The following CHL1 variants were observed in gnomAD, a reference collection of about 807,000 sequenced individuals.
CHL1 encodes the protein cell adhesion molecule L1 like, also known as neural cell adhesion molecule L1-like protein.
In CHL1, 96 loss-of-function variants were observed where a neutral mutation model predicts 141.9. The observed-to-expected ratio is 0.68, with a 90% CI of 0.57 to 0.80. CHL1 has a LOEUF of 0.80. Among genes scored for constraint, CHL1 ranks in the 30% least tolerant of loss-of-function variants. CHL1 has a pLI of 0.00. For missense variants in CHL1, 1,820 were observed against 1,457.2 expected (o/e 1.25, Z -4.05); for synonymous variants, 613 against 502.2 (o/e 1.22, Z -2.95).
At chr3:327,941 A>C (rs1357544735) in intron 4 of CHL1, among the ~76,000 whole-genome samples, 1 of 152,034 alleles carries the variant, frequency 6.6e-6, no homozygotes, top group Admixed American at 6.6e-5. Flanking sequence ...TTAAAAAAGC[A>C]AAAGCTAATT....
At chr3:254,310 G>T (rs967960034) in intron 2 of CHL1, among the ~76,000 whole-genome samples, 1 of 152,058 alleles carries the variant, frequency 6.6e-6, no homozygotes, top group Non-Finnish European at 1.5e-5. Flanking sequence ...TAATAAACAA[G>T]ACTCTTCTTC....
rs192231813 is a variant in CHL1 at position 228,428 on chromosome 3, C to A, written c.-174-16185C>A. 2.0e-4 allele frequency among the ~76,000 whole-genome samples: 31 copies of A among 152,092 alleles called. No homozygotes were observed. In the East Asian group the frequency reaches 5.6e-3, roughly 27 times the overall value. ...GTAGATATTAAGTGTTCAAGGGGAT[C>A]CCTGCACATGGATGAAGTCATGTTT... On this transcript the variant is annotated intron_variant, in intron 1 of 27. Coordinates refer to ENST00000256509, the MANE Select transcript of CHL1 (RefSeq NM_006614.4).
intron 1 of CHL1, among the ~76,000 whole-genome samples, chr3:232,358 T>A (rs1333218912): frequency 6.6e-6 from 1 of 152,228 alleles, no homozygotes; most frequent in East Asian, 1.9e-4. Context: ...TCATTGAATT[T>A]GTACCTTTTC....
chr3:344,497 G>T (rs1702597581), intron 8 of CHL1, 92 bp from the exon 9 acceptor site: 2 of 897,934 alleles, frequency 2.2e-6, no homozygotes, highest in Admixed American at 2.3e-5. Context: ...ACACTCGTGT[G>T]TCGGATTTTT....
At chr3:360,058 T>C (rs1704084026) in intron 11 of CHL1, among the ~76,000 whole-genome samples, 1 of 152,134 alleles carries the variant, frequency 6.6e-6, no homozygotes, top group Admixed American at 6.5e-5. Flanking sequence ...TGAGCAGATA[T>C]TTTGTTGCTA....
intron 16 of CHL1, among the ~76,000 whole-genome samples, chr3:381,208 T>G (rs868738693): frequency 6.6e-6 from 1 of 152,142 alleles, no homozygotes. Context: ...ATATGGTCCA[T>G]TGGGGAGGAC....
At chr3:318,995 T>G (rs764501356) in intron 2 of CHL1, among the ~76,000 whole-genome samples, 3 of 151,654 alleles carry the variant, frequency 2.0e-5, no homozygotes, top group African/African-American at 7.3e-5. Flanking sequence ...AGAACAAAAT[T>G]GTGTCCTTGC....
chr3:277,720 T>G (rs1245581972), intron 2 of CHL1, among the ~76,000 whole-genome samples: 2 of 152,242 alleles, frequency 1.3e-5, no homozygotes, highest in Non-Finnish European at 2.9e-5. Flanking sequence ...TTACATTTGC[T>G]TATTTTGTCT....
chr3:370,699 G>A (rs1029146328), intron 15 of CHL1, among the ~76,000 whole-genome samples: 2 of 152,026 alleles, frequency 1.3e-5, no homozygotes, highest in African/African-American at 4.8e-5. Context: ...TGTGATGTTA[G>A]CATGTGAATT....
At chr3:271,960 GA>G (rs1695670158) in intron 2 of CHL1, among the ~76,000 whole-genome samples, 1 of 152,136 alleles carries the variant, frequency 6.6e-6, no homozygotes, top group East Asian at 1.9e-4. Flanking sequence ...ATCACATTGT[GA>G]TAAAATACTC....
intron 10 of CHL1, 114 bp downstream of exon 10, chr3:349,657 T>C: frequency 4.7e-6 from 4 of 859,120 alleles, no homozygotes; most frequent in Non-Finnish European, 7.3e-6. Context: ...TTTCAACTTT[T>C]AATTGTAGTG....
chr3:350,283 G>T (rs766063066), intron 10 of CHL1, among the ~76,000 whole-genome samples: 7 of 152,176 alleles, frequency 4.6e-5, no homozygotes, highest in Non-Finnish European at 1.0e-4. Flanking sequence ...GTGGAATGTA[G>T]TTATTAGTGC....
In CHL1 at chr3:363,364, A is replaced by G; in HGVS notation, c.1566A>G (p.Thr522=). ...ATGCTATAGGAAAAACTGCAGTCAC[A>G]GCCAATTTGGATATTAGAAGTATTT... is the stretch of plus-strand genomic sequence containing the variant. ...VENAIGKTAV[T]ANLDIRNATK... Residue 522 remains threonine, a synonymous_variant, in exon 14 of 28, where the codon ACA becomes ACG. Transcript: ENST00000256509. 1.2e-6 allele frequency: 2 copies of G among 1,611,346 alleles called. No homozygotes were observed. The highest frequency in any genetic ancestry group is 1.7e-5 in the Admixed American group (1 of 59,224).
At chr3:359,160 T>G (rs1286540782) in intron 11 of CHL1, among the ~76,000 whole-genome samples, 1 of 151,772 alleles carries the variant, frequency 6.6e-6, no homozygotes, top group African/African-American at 2.4e-5. Flanking sequence ...TGTAATCCAG[T>G]CCCCTCACCT....
chr3:236,674 CATT>C (rs1282268336), intron 1 of CHL1, among the ~76,000 whole-genome samples: 1 of 151,980 alleles, frequency 6.6e-6, no homozygotes, highest in African/African-American at 2.4e-5. Context: ...TTGTAGAAAA[CATT>C]ATACTGACAT....
At chr3:392,383 G>A (rs1320129611) in intron 23 of CHL1, among the ~76,000 whole-genome samples, 1 of 152,212 alleles carries the variant, frequency 6.6e-6, no homozygotes, top group Non-Finnish European at 1.5e-5. Flanking sequence ...TCATGGAGAT[G>A]ATATTGCAAG....
chr3:382,765 A>G, intron 18 of CHL1, 94 bp downstream of exon 18: 2 of 1,095,372 alleles, frequency 1.8e-6, no homozygotes, highest in Non-Finnish European at 2.7e-6. Flanking sequence ...GTAATGTAGG[A>G]TTTTAGATTT....
intron 6 of CHL1, 64 bp downstream of exon 6, chr3:340,980 CATA>C (rs769408032): frequency 2.4e-5 from 35 of 1,469,824 alleles, no homozygotes; most frequent in Non-Finnish European, 3.2e-5. Context: ...ATATCAATAA[CATA>C]ATGAATCCAA....
At chr3:382,344 T>C in intron 17 of CHL1, 64 bp downstream of exon 17, 1 of 1,504,060 alleles carries the variant, frequency 6.6e-7, no homozygotes, top group Non-Finnish European at 9.2e-7. Context: ...GCGAAGTCAC[T>C]TTTTAACCAC....
Sources: allele counts gnomAD v4.1 joint callset (sites outside exome capture counted in the v4.1 genomes callset), GRCh38; gene constraint gnomAD v4.1.1; transcripts MANE v1.5; gene names NCBI Gene and HGNC (gene_info 2026-07-23, HGNC 2026-07-21).